Variants in TAP1 observed in about 807,000 individuals in gnomAD.
TAP1 encodes the protein antigen peptide transporter 1.
In TAP1, 56 loss-of-function variants were observed where a neutral mutation model predicts 79.3. The observed-to-expected ratio is 0.71, with a 90% confidence interval of 0.57 to 0.88. The LOEUF (loss-of-function observed/expected upper bound fraction) is 0.88. TAP1 is among the 40% of genes least tolerant of loss of function. The probability of loss-of-function intolerance (pLI) is 0.00; values close to 1 mark genes in which losing one functional copy is unlikely to be tolerated. For missense variants in TAP1, 737 were observed against 936.3 expected, an observed-to-expected ratio of 0.79 and a Z score of 2.78; for synonymous variants, 355 against 401.4, an observed-to-expected ratio of 0.88 and a Z score of 1.38.
At chr6:32,848,882 G>A in intron 6 of TAP1, 42 bp from the exon 7 acceptor site, 2 of 1,612,970 alleles carry the variant, frequency 1.2e-6, no homozygotes, top group Non-Finnish European at 1.7e-6. Flanking sequence ...TAGTCTGCTT[G>A]CCAGCATTAT....
chr6:32,848,768 G>T lies in TAP1; in HGVS notation c.1450C>A (p.Arg484Ser), dbSNP rs778774698. Residue 484 changes from arginine to serine, a missense_variant, in exon 7 of 11, where the codon CGC becomes AGC. By Grantham distance (110) the Arg-to-Ser change is moderately radical. Coordinates refer to ENST00000354258, the MANE Select transcript of TAP1 (RefSeq NM_000593.6). Reference sequence around the variant, plus strand: ...CCACTGGGTGGGCAGCGAGGGGTGCGGTCCAGGTACTCAAATATTTTCTCT... The same window carrying T: ...CCACTGGGTGGGCAGCGAGGGGTGCTGTCCAGGTACTCAAATATTTTCTCT... ...SSEKIFEYLD[R>S]TPRCPPSGLL... The T allele has an allele frequency of 6.2e-7, 1 of 1,614,080 alleles. No individual in the cohort carries two copies. Among genetic ancestry groups the T allele is most frequent in the Non-Finnish European group, 8.5e-7 (1 of 1,180,028 alleles).
Position 32,850,708 on chromosome 6 carries a change from G to A in TAP1, c.1051-191C>T, listed in dbSNP as rs761038649. 6.6e-6 allele frequency among the ~76,000 whole-genome samples: 1 copy of A among 152,172 alleles called. No individual in the cohort carries two copies. The highest frequency in any genetic ancestry group is 1.5e-5 in the Non-Finnish European group (1 of 68,032). On this transcript the variant is annotated intron_variant, in intron 4 of 10. Transcript: ENST00000354258. The surrounding 1 kb of genome is among the most constrained non-coding windows in gnomAD (Gnocchi z 5.5). ...AGGAAAATGACTCAGAACGGGTTGG[G>A]GATCAAATTCTTAAAGACAGATTGT...
In TAP1 at chr6:32,852,354, C is replaced by T; in HGVS notation, c.713+34G>A. 6.2e-7 allele frequency: 1 copy of T among 1,612,908 alleles called. No homozygotes were observed. The highest frequency in any genetic ancestry group is 8.5e-7 in the Non-Finnish European group (1 of 1,179,908). On this transcript the variant is annotated intron_variant, in intron 2 of 10. Coordinates refer to ENST00000354258, the MANE Select transcript of TAP1 (RefSeq NM_000593.6). This position sits in a 1 kb window ranked among gnomAD's most constrained non-coding sequence, Gnocchi z 4.8. ...CAGCAGCCCCAACTTCCAACTCCCT[C>T]ATTTGCAGGGTGCCCCATTTTCAGC...
chr6:32,850,805 A>G lies in TAP1; in HGVS notation c.1050+139T>C, dbSNP rs1354902721. 3 of 875,928 alleles carry G rather than the reference A, an allele frequency of 3.4e-6. No homozygotes were observed. The highest frequency in any genetic ancestry group is 5.7e-6 in the Non-Finnish European group (3 of 524,078). 54.3% of individuals were successfully genotyped at this position (875,928 alleles called of 1,614,324 possible). A position where few individuals can be genotyped will look rare whatever the true frequency, so the allele number is the denominator to read the frequency against. ...TGAGCAACCTGGGAACATGGACCAC[A>G]GGGACAGGGTGTTCCATGAAGATGG... On this transcript the variant is annotated intron_variant, in intron 4 of 10. Transcript: ENST00000354258. This position sits in a 1 kb window ranked among gnomAD's most constrained non-coding sequence, Gnocchi z 5.5.
Position 32,847,257 on chromosome 6 carries a change from T to G in TAP1, c.1904-53A>C. The G allele has an allele frequency of 6.3e-7, 1 of 1,593,170 alleles. No homozygotes were observed. Among genetic ancestry groups the G allele is most frequent in the Non-Finnish European group, 8.5e-7 (1 of 1,175,352 alleles). ...CGGTATAGCCACATGTGTGCACGCA[T>G]GTACATGCACACAGACACACTCATG... On this transcript the variant is annotated intron_variant, in intron 9 of 10. Coordinates refer to ENST00000354258, the MANE Select transcript of TAP1 (RefSeq NM_000593.6). This position sits in a 1 kb window ranked among gnomAD's most constrained non-coding sequence, Gnocchi z 4.7.
chr6:32,851,924 T>TGTGTGAGAGAGAGA lies in TAP1; in HGVS notation c.844+184_844+185insTCTCTCTCTCACAC, dbSNP rs1554246364. On this transcript the variant is annotated intron_variant, in intron 3 of 10. Transcript: ENST00000354258. The surrounding 1 kb of genome is among the most constrained non-coding windows in gnomAD (Gnocchi z 4.8). ...AAAAACAATTGTGTGTGTGTGTGTG[T>TGTGTGAGAGAGAGA]GAGAGAGAGAGAGAGAGAGACAGAG... Among the ~76,000 whole-genome samples, 3,285 of 147,352 alleles carry TGTGTGAGAGAGAGA rather than the reference T, an allele frequency of 0.022. 42 individuals are homozygous for TGTGTGAGAGAGAGA. The highest frequency in any genetic ancestry group is 0.04 in the East Asian group (199 of 5,028).
In TAP1 at chr6:32,852,517, G is replaced by C; in HGVS notation, c.599-15C>G. ...GGCCATCTCCCCTGGAGAAAGAGAA[G>C]AGAGGTCACGCACAAATATTAAGTC... is the stretch of plus-strand genomic sequence containing the variant. On this transcript the variant is annotated splice_polypyrimidine_tract_variant and intron_variant, in intron 1 of 10. Coordinates refer to ENST00000354258, the MANE Select transcript of TAP1 (RefSeq NM_000593.6). This position sits in a 1 kb window ranked among gnomAD's most constrained non-coding sequence, Gnocchi z 4.8. The C allele has an allele frequency of 1.9e-6, 3 of 1,613,012 alleles. No homozygotes were observed. In the South Asian group the frequency reaches 3.3e-5, roughly 18 times the overall value.
intron 5 of TAP1, 34 bp from the exon 6 acceptor site, chr6:32,849,152 A>G: frequency 6.4e-7 from 1 of 1,560,730 alleles, no homozygotes; most frequent in Non-Finnish European, 8.7e-7. Context: ...GGACTGAGGT[A>G]GAGAAATCTG....
In TAP1 at chr6:32,847,960, T is replaced by A; in HGVS notation, c.1699A>T (p.Lys567Ter). 5 of 1,613,108 alleles carry A rather than the reference T, an allele frequency of 3.1e-6. No individual in the cohort carries two copies. Among genetic ancestry groups the A allele is most frequent in the Non-Finnish European group, 4.2e-6 (5 of 1,180,044 alleles). ...PTGGQLLLDG[K>*]PLPQYEHRYL... is the part of the protein sequence containing the mutation. ...CGGTGCTCATATTGGGGAAGGGGCT[T>A]CCCATCCAACAGCAGCTGTCCCCCG... Residue 567 changes from lysine (K) to a stop codon, truncating the protein, a stop_gained, in exon 8 of 11, where the codon AAG becomes TAG. Transcript: ENST00000354258. LOFTEE classifies it high-confidence loss of function. The surrounding 1 kb of genome is among the most constrained non-coding windows in gnomAD (Gnocchi z 4.7).
At chr6:32,848,145 G>C in intron 7 of TAP1, 53 bp from the exon 8 acceptor site, 1 of 1,550,180 alleles carries the variant, frequency 6.5e-7, no homozygotes, top group Non-Finnish European at 8.7e-7. Context: ...CTAACCTTGA[G>C]AGTGTCATTG....
At chr6:32,848,607 A>T in intron 7 of TAP1, 45 bp downstream of exon 7, 1 of 1,604,308 alleles carries the variant, frequency 6.2e-7, no homozygotes, top group Non-Finnish European at 8.5e-7. Context: ...AGGATGGCAG[A>T]ATTGCAGTTG....
rs747398174 is a variant in TAP1 at position 32,853,243 on chromosome 6, G to A, written c.394C>T (p.His132Tyr). ...AAGGCGGTAGGGTGACTTCCCCAGT[G>A]CAGTAGCCTGGTGCTATCCGCGGAC... is the stretch of plus-strand genomic sequence containing the variant. ...PGSADSTRLL[H>Y]WGSHPTAFVV... The change falls in exon 1 of 11, where the codon CAC becomes TAC. Residue 132 changes from histidine (H) to tyrosine (Y), a missense_variant. By Grantham distance (83) the His-to-Tyr change is moderately conservative. Transcript: ENST00000354258. The surrounding 1 kb of genome is among the most constrained non-coding windows in gnomAD (Gnocchi z 8.3). The A allele has an allele frequency of 6.2e-7, 1 of 1,604,900 alleles. No homozygotes were observed. The highest frequency in any genetic ancestry group is 1.1e-5 in the South Asian group (1 of 89,944).
intron 7 of TAP1, 83 bp from the exon 8 acceptor site, chr6:32,848,175 G>A: frequency 6.6e-7 from 1 of 1,504,910 alleles, no homozygotes; most frequent in Non-Finnish European, 9.0e-7. Context: ...ATAGCATGAT[G>A]TCTTACCCCA....
chr6:32,851,295 A>G lies in TAP1; in HGVS notation c.845-146T>C, dbSNP rs1421766652. ...AGGAAACAAGGTTAGGGTTCTCCAG[A>G]GGTCTGCAAATCTCAGTGCAGGGAA... On this transcript the variant is annotated intron_variant, in intron 3 of 10. Transcript: ENST00000354258. This position sits in a 1 kb window ranked among gnomAD's most constrained non-coding sequence, Gnocchi z 4.8. 1 of 757,372 alleles carries G rather than the reference A, an allele frequency of 1.3e-6. No homozygotes were observed. Among genetic ancestry groups the G allele is most frequent in the Admixed American group, 2.0e-5 (1 of 49,050 alleles). The allele number at this position is 757,372 out of a possible 1,614,324, so 46.9% of individuals were successfully genotyped here.
intron 5 of TAP1, chr6:32,849,934 C>T: frequency 3.0e-6 from 1 of 330,180 alleles, no homozygotes; most frequent in Non-Finnish European, 5.8e-6. Flanking sequence ...TGTCCCTCAT[C>T]CCTGGCTTCC....
chr6:32,852,933 G>A lies in TAP1; in HGVS notation c.598+106C>T. On this transcript the variant is annotated intron_variant, in intron 1 of 10. Transcript: ENST00000354258. The surrounding 1 kb of genome is among the most constrained non-coding windows in gnomAD (Gnocchi z 4.8). ...GACCCACGCTAGGAGTCCTTCTCCTGCTCCACATTTCCCAGAACCCACGCT... is the reference window on the plus strand; with the variant it reads ...GACCCACGCTAGGAGTCCTTCTCCTACTCCACATTTCCCAGAACCCACGCT... The A allele has an allele frequency of 1.3e-6, 2 of 1,496,778 alleles. No homozygotes were observed. Among genetic ancestry groups the A allele is most frequent in the Non-Finnish European group, 1.8e-6 (2 of 1,122,804 alleles). 92.7% of individuals were successfully genotyped at this position (1,496,778 alleles called of 1,614,324 possible).
Position 32,847,356 on chromosome 6 carries a change from A to G in TAP1, c.1904-152T>C. On this transcript the variant is annotated intron_variant, in intron 9 of 10. Coordinates refer to ENST00000354258, the MANE Select transcript of TAP1 (RefSeq NM_000593.6). The surrounding 1 kb of genome is among the most constrained non-coding windows in gnomAD (Gnocchi z 4.7). ...GGGAGATTCTGGGAAGATGAACAGAATCCTGAGGATGTCAGGATGAAGAAG... is the reference window on the plus strand; with the variant it reads ...GGGAGATTCTGGGAAGATGAACAGAGTCCTGAGGATGTCAGGATGAAGAAG... The G allele has an allele frequency of 6.7e-7, 1 of 1,495,948 alleles. No individual in the cohort carries two copies. Among genetic ancestry groups the G allele is most frequent in the Non-Finnish European group, 9.2e-7 (1 of 1,085,490 alleles). 92.7% of individuals were successfully genotyped at this position (1,495,948 alleles called of 1,614,324 possible).
intron 10 of TAP1, chr6:32,846,270 T>G (rs567098829): frequency 5.2e-6 from 1 of 191,422 alleles, no homozygotes; most frequent in African/African-American, 2.3e-5. Context: ...TCAGAAGGAT[T>G]CCTAATGAAT....
Position 32,852,057 on chromosome 6 carries a change from T to G in TAP1, c.844+52A>C, listed in dbSNP as rs144945885. The stretch of plus-strand genomic sequence containing the variant: ...GGGAGGGGGGAGATCAAAGCAGATG[T>G]ATGAGGATATGAACAGTACATGGCG... On this transcript the variant is annotated intron_variant, in intron 3 of 10. Transcript: ENST00000354258. This position sits in a 1 kb window ranked among gnomAD's most constrained non-coding sequence, Gnocchi z 4.8. 1.0e-3 allele frequency: 1,616 copies of G among 1,611,862 alleles called. 12 individuals are homozygous for G. In the African/African-American group the frequency reaches 0.019, roughly 19 times the overall value.
Sources: gnomAD v4.1 joint callset for allele counts (sites outside exome capture counted in the v4.1 genomes callset) on GRCh38, gnomAD v4.1.1 for gene constraint, Gnocchi (gnomAD v3.1) non-coding constraint, MANE v1.5 for transcripts, NCBI Gene and HGNC (gene_info 2026-07-23, HGNC 2026-07-21) for gene names.